The following VPS13B variants were observed in gnomAD, a reference collection of about 807,000 sequenced individuals.
VPS13B encodes vacuolar protein sorting 13 homolog B, also known as intermembrane lipid transfer protein VPS13B.
Under a neutral mutation model 426.4 loss-of-function variants are expected in VPS13B, and 285 were observed. That is an observed-to-expected ratio of 0.67 (90% CI 0.61 to 0.74). The LOEUF is 0.74. Ranked by LOEUF, VPS13B falls within the 30% of genes least tolerant of loss-of-function variation. The pLI is 0.00. For synonymous variants in VPS13B, 1,676 were observed against 1,676.4 expected, an observed-to-expected ratio of 1.00 and a Z score of 0.01; for missense variants, 4,537 against 4,782.6, an observed-to-expected ratio of 0.95 and a Z score of 1.51.
chr8:99,675,273 C>T (rs1830884988), intron 35 of VPS13B, among the ~76,000 whole-genome samples: 1 of 152,154 alleles, frequency 6.6e-6, no homozygotes. Context: ...TCCCACTCTC[C>T]TCTGGCCTGT....
chr8:99,531,905 A>T (rs1490002453), intron 30 of VPS13B, among the ~76,000 whole-genome samples: 1 of 152,154 alleles, frequency 6.6e-6, no homozygotes, highest in Non-Finnish European at 1.5e-5. Flanking sequence ...ATACCTATTC[A>T]AATAGATTTT....
chr8:99,090,473 T>C (rs1215517685), intron 3 of VPS13B, among the ~76,000 whole-genome samples: 1 of 152,090 alleles, frequency 6.6e-6, no homozygotes, highest in Non-Finnish European at 1.5e-5. Flanking sequence ...TTACACCATG[T>C]TGGCCACACT....
At chr8:99,258,423 C>T (rs541005812) in intron 17 of VPS13B, among the ~76,000 whole-genome samples, 18 of 151,952 alleles carry the variant, frequency 1.2e-4, no homozygotes, top group East Asian at 1.2e-3. Context: ...ACTTTGTTAT[C>T]GGTATCACAA....
chr8:99,546,383 A>G (rs916573294), intron 30 of VPS13B, among the ~76,000 whole-genome samples: 1 of 152,042 alleles, frequency 6.6e-6, no homozygotes, highest in Admixed American at 6.6e-5. Flanking sequence ...ATACATTTAA[A>G]TAAAGCATAG....
chr8:99,150,149 T>G (rs1463220752), intron 14 of VPS13B, among the ~76,000 whole-genome samples: 1 of 152,228 alleles, frequency 6.6e-6, no homozygotes, highest in Non-Finnish European at 1.5e-5. Flanking sequence ...AGAGATCATG[T>G]AGAGAAAATT....
intron 29 of VPS13B, among the ~76,000 whole-genome samples, chr8:99,512,702 G>C (rs1288488101): frequency 6.6e-6 from 1 of 152,074 alleles, no homozygotes; most frequent in Admixed American, 6.6e-5. Flanking sequence ...ATTTGGGGTA[G>C]GTCATTACAT....
chr8:99,106,494 A>G (rs1429675017), intron 5 of VPS13B, among the ~76,000 whole-genome samples: 2 of 151,714 alleles, frequency 1.3e-5, no homozygotes, highest in Non-Finnish European at 2.9e-5. Flanking sequence ...ATATAGCTAA[A>G]CGACATACCA....
At chr8:99,086,537 G>T (rs917456435) in intron 3 of VPS13B, among the ~76,000 whole-genome samples, 1 of 152,166 alleles carries the variant, frequency 6.6e-6, no homozygotes, top group African/African-American at 2.4e-5. Context: ...GAGGTGCTCT[G>T]ATTTTTAGAG....
intron 61 of VPS13B, among the ~76,000 whole-genome samples, chr8:99,872,316 A>G (rs973678113): frequency 3.9e-5 from 6 of 152,154 alleles, no homozygotes; most frequent in Non-Finnish European, 8.8e-5. Context: ...CTCTCTCTCA[A>G]ATCCACTGCT....
At chr8:99,227,720 T>C (rs1289931407) in intron 17 of VPS13B, among the ~76,000 whole-genome samples, 1 of 152,212 alleles carries the variant, frequency 6.6e-6, no homozygotes, top group Non-Finnish European at 1.5e-5. Flanking sequence ...ATGTTTCATA[T>C]ATCCATATTA....
At chr8:99,344,470 GGTAGGTAT>G (rs1447883059) in intron 19 of VPS13B, among the ~76,000 whole-genome samples, 1 of 152,050 alleles carries the variant, frequency 6.6e-6, no homozygotes. Context: ...TGAGTTATAG[GGTAGGTAT>G]GTCTTTTACT....
intron 31 of VPS13B, among the ~76,000 whole-genome samples, chr8:99,569,406 G>A (rs565252074): frequency 6.6e-6 from 1 of 151,146 alleles, no homozygotes; most frequent in East Asian, 1.9e-4. Flanking sequence ...TCTAGCCTGG[G>A]TGACAAAGAC....
intron 19 of VPS13B, among the ~76,000 whole-genome samples, chr8:99,297,204 C>T (rs1301663685): frequency 6.6e-6 from 1 of 151,686 alleles, no homozygotes; most frequent in African/African-American, 2.4e-5. Context: ...TTCTTTTTTT[C>T]TTATATTGAA....
intron 35 of VPS13B, among the ~76,000 whole-genome samples, chr8:99,690,271 C>T (rs1382782092): frequency 6.6e-6 from 1 of 152,070 alleles, no homozygotes; most frequent in African/African-American, 2.4e-5. Flanking sequence ...AAGTTGAACC[C>T]CTACCTCATA....
chr8:99,174,096 A>G (rs529102840), intron 16 of VPS13B, among the ~76,000 whole-genome samples: 2 of 152,256 alleles, frequency 1.3e-5, no homozygotes, highest in South Asian at 4.1e-4. Flanking sequence ...GGCTTATTTC[A>G]CTTAGCATAA....
chr8:99,661,332 A>C (rs200426195), intron 34 of VPS13B, 22 bp from the exon 35 acceptor site: 1 of 1,613,262 alleles, frequency 6.2e-7, no homozygotes. Flanking sequence ...TGATGTTTTT[A>C]ATTTCAATTT....
intron 31 of VPS13B, among the ~76,000 whole-genome samples, chr8:99,559,868 T>G (rs1367181154): frequency 6.6e-6 from 1 of 152,198 alleles, no homozygotes; most frequent in Non-Finnish European, 1.5e-5. Context: ...TCTTTTTGCT[T>G]AGGATTGACT....
chr8:99,481,561 A>G lies in VPS13B; in HGVS notation c.3667-38A>G, dbSNP rs149602089. 2.4e-5 allele frequency: 39 copies of G among 1,600,888 alleles called. No homozygotes were observed. In the African/African-American group the frequency reaches 4.5e-4, roughly 19 times the overall value. On this transcript the variant is annotated intron_variant, in intron 24 of 61. Coordinates refer to ENST00000357162, the MANE Select transcript of VPS13B (RefSeq NM_152564.5). Reference sequence around the variant, plus strand: ...TTTAGTGGATTGAAACTGGAAGTTGAAAGACTTGTTTTCTTTTCTTTTTTC... The same window carrying G: ...TTTAGTGGATTGAAACTGGAAGTTGGAAGACTTGTTTTCTTTTCTTTTTTC...
intron 39 of VPS13B, among the ~76,000 whole-genome samples, chr8:99,729,444 C>G (rs1381202793): frequency 6.6e-6 from 1 of 152,192 alleles, no homozygotes; most frequent in Non-Finnish European, 1.5e-5. Flanking sequence ...AGTATCCTCT[C>G]AAAATGTAGG....
Sources: allele counts gnomAD v4.1 joint callset (sites outside exome capture counted in the v4.1 genomes callset), GRCh38; gene constraint gnomAD v4.1.1; transcripts MANE v1.5; gene names NCBI Gene and HGNC (gene_info 2026-07-23, HGNC 2026-07-21).